Variants in PDE8B observed in about 807,000 individuals in gnomAD.
PDE8B encodes high affinity cAMP-specific and IBMX-insensitive 3',5'-cyclic phosphodiesterase 8B.
In PDE8B, 26 loss-of-function variants were observed where a neutral mutation model predicts 101.3. That is an observed-to-expected ratio of 0.26 (90% CI 0.19 to 0.36). The LOEUF is 0.36. PDE8B is among the 10% of genes least tolerant of loss of function. PDE8B has a pLI of 1.00. For missense variants in PDE8B, 810 were observed against 1,163.1 expected (o/e 0.70, Z 4.42); for synonymous variants, 424 against 429.3 (o/e 0.99, Z 0.15).
chr5:77,157,953 CACTT>C, the PDE8B span, among the ~76,000 whole-genome samples: 2 of 151,840 alleles, frequency 1.3e-5, no homozygotes, highest in African/African-American at 4.8e-5. Context: ...TATTTACAGA[CACTT>C]ACATACTAAT....
the PDE8B span, among the ~76,000 whole-genome samples, chr5:77,192,436 T>C: frequency 6.6e-6 from 1 of 152,162 alleles, no homozygotes; most frequent in East Asian, 1.9e-4. Flanking sequence ...ACACATAACT[T>C]TTTGTGTCTG....
chr5:77,251,249 G>A (rs960638642), intron 1 of PDE8B, among the ~76,000 whole-genome samples: 9 of 152,186 alleles, frequency 5.9e-5, no homozygotes, highest in African/African-American at 1.9e-4. Flanking sequence ...CCATTTGAAG[G>A]TCATCTGTAT....
chr5:77,100,425 AG>A, the PDE8B span: 1 of 152,304 alleles, frequency 6.6e-6, no homozygotes, highest in Non-Finnish European at 1.5e-5. Context: ...TACATCATAC[AG>A]GGAAGGTGGG....
At chr5:77,251,476 C>G (rs946645556) in intron 1 of PDE8B, among the ~76,000 whole-genome samples, 4 of 152,232 alleles carry the variant, frequency 2.6e-5, no homozygotes, top group Admixed American at 2.0e-4. Flanking sequence ...GAGAAGGTCT[C>G]TTTCCCATGT....
chr5:77,400,979 A>G (rs1339120531), intron 11 of PDE8B, among the ~76,000 whole-genome samples: 1 of 152,218 alleles, frequency 6.6e-6, no homozygotes, highest in African/African-American at 2.4e-5. Flanking sequence ...GCATGATGTC[A>G]GACCCTAGGC....
chr5:77,321,142 A>ATTTTTTT (rs10538529), intron 2 of PDE8B, among the ~76,000 whole-genome samples: 68 of 76,430 alleles, frequency 8.9e-4, no homozygotes, highest in Non-Finnish European at 1.2e-3. Flanking sequence ...CAGTATCTCT[A>ATTTTTTT]TTTTTTTTTT....
At chr5:77,335,487 A>C (rs1165245374) in intron 5 of PDE8B, among the ~76,000 whole-genome samples, 1 of 152,058 alleles carries the variant, frequency 6.6e-6, no homozygotes, top group Non-Finnish European at 1.5e-5. Flanking sequence ...GGGAGAAGCC[A>C]ACCACTCCAG....
chr5:77,359,692 C>T (rs1334356209), intron 10 of PDE8B, among the ~76,000 whole-genome samples: 1 of 152,166 alleles, frequency 6.6e-6, no homozygotes, highest in African/African-American at 2.4e-5. Context: ...GTAATGCCTG[C>T]TCACCAGTAA....
At chr5:77,130,450 A>G in the PDE8B span, among the ~76,000 whole-genome samples, 1 of 152,178 alleles carries the variant, frequency 6.6e-6, no homozygotes, top group Non-Finnish European at 1.5e-5. Flanking sequence ...GGAGTTCCTC[A>G]TAATAGAAAA....
chr5:77,193,529 T>G, the PDE8B span, among the ~76,000 whole-genome samples: 1 of 152,206 alleles, frequency 6.6e-6, no homozygotes, highest in African/African-American at 2.4e-5. Flanking sequence ...TCCATTGATC[T>G]ATTTGTTTGT....
In PDE8B at chr5:77,411,734, C is replaced by T. The variant is rs762173476; in HGVS notation, c.1576+13C>T. ...GTGTTTACTAAGAGTAAGTTTTCATCTATTTACTTGTTAGTGTAACCTGTC... is the reference window on the plus strand; with the variant it reads ...GTGTTTACTAAGAGTAAGTTTTCATTTATTTACTTGTTAGTGTAACCTGTC... On this transcript the variant is annotated intron_variant, in intron 15 of 21. Coordinates refer to ENST00000264917, the MANE Select transcript of PDE8B (RefSeq NM_003719.5). The T allele has an allele frequency of 1.0e-5, 16 of 1,590,650 alleles. No homozygotes were observed. The highest frequency in any genetic ancestry group is 3.5e-6 in the Non-Finnish European group (4 of 1,158,730).
chr5:77,221,413 A>G (rs1751071209), intron 1 of PDE8B, among the ~76,000 whole-genome samples: 1 of 152,176 alleles, frequency 6.6e-6, no homozygotes, highest in Non-Finnish European at 1.5e-5. Flanking sequence ...TGTGTTTGCT[A>G]GAAACCGTAG....
rs1280804840 is a variant in PDE8B at position 77,331,386 on chromosome 5, T to G, written c.651-16T>G. The G allele has an allele frequency of 6.2e-7, 1 of 1,612,426 alleles. No homozygotes were observed. Among genetic ancestry groups the G allele is most frequent in the Admixed American group, 1.7e-5 (1 of 60,022 alleles). ...TTTGTATCTGCTGAGTGACCACATT[T>G]TCTGCTTTGCTGCAGATCGGATGAC... On this transcript the variant is annotated splice_polypyrimidine_tract_variant and intron_variant, in intron 4 of 21. Coordinates refer to ENST00000264917, the MANE Select transcript of PDE8B (RefSeq NM_003719.5).
At chr5:77,158,236 TG>T in the PDE8B span, among the ~76,000 whole-genome samples, 2 of 152,054 alleles carry the variant, frequency 1.3e-5, no homozygotes, top group Non-Finnish European at 2.9e-5. Flanking sequence ...AGACAACGTG[TG>T]GGGAGAGAAA....
intron 1 of PDE8B, among the ~76,000 whole-genome samples, chr5:77,260,250 G>T (rs1760252483): frequency 6.6e-6 from 1 of 151,700 alleles, no homozygotes; most frequent in Admixed American, 6.6e-5. Flanking sequence ...CAGCTAATTT[G>T]GTCATTCAGG....
chr5:77,360,074 C>T (rs1176068298), intron 10 of PDE8B, among the ~76,000 whole-genome samples: 2 of 147,448 alleles, frequency 1.4e-5, no homozygotes, highest in Non-Finnish European at 1.5e-5. Flanking sequence ...CTGGGTGACA[C>T]AGCGAGACTT....
At chr5:77,417,630 G>T (rs895026117) in intron 17 of PDE8B, among the ~76,000 whole-genome samples, 2 of 152,142 alleles carry the variant, frequency 1.3e-5, no homozygotes, top group African/African-American at 4.8e-5. Context: ...TCGAATTAGG[G>T]TTTCCCTTTT....
chr5:77,312,225 A>G (rs907687212), intron 2 of PDE8B, among the ~76,000 whole-genome samples, 172 bp downstream of exon 2: 1 of 146,452 alleles, frequency 6.8e-6, no homozygotes, highest in Non-Finnish European at 1.5e-5. Context: ...CACCTCAGCT[A>G]CCCAAGTAGC....
chr5:77,210,618 G>C, upstream of PDE8B: 1 of 982,108 alleles, frequency 1.0e-6, no homozygotes, highest in Non-Finnish European at 1.2e-6. The surrounding 1 kb of genome is among the most constrained non-coding windows in gnomAD (Gnocchi z 4.9). Flanking sequence ...GCGGAGGCGC[G>C]GGGAGCGTGT....
Sources: allele counts gnomAD v4.1 joint callset (sites outside exome capture counted in the v4.1 genomes callset), GRCh38; gene constraint gnomAD v4.1.1; non-coding constraint Gnocchi (gnomAD v3.1); transcripts MANE v1.5; gene names NCBI Gene and HGNC (gene_info 2026-07-23, HGNC 2026-07-21).